NPAS3: variants seen among roughly 807,000 people sequenced by gnomAD.
NPAS3 encodes the protein neuronal PAS domain-containing protein 3.
A neutral mutation model predicts 73.1 loss-of-function variants in NPAS3; 14 were observed. That is an observed-to-expected ratio of 0.19 (90% confidence interval 0.13 to 0.30). The LOEUF is 0.30. Ranked by LOEUF, NPAS3 falls within the 10% of genes least tolerant of loss-of-function variation. The pLI is 1.00. For synonymous variants in NPAS3, 620 were observed against 541.5 expected (o/e 1.14, Z -2.01); for missense variants, 1,096 against 1,250.0 (o/e 0.88, Z 1.86).
chr14:33,711,234 T>A (rs899152387), intron 6 of NPAS3, among the ~76,000 whole-genome samples: 1 of 152,232 alleles, frequency 6.6e-6, no homozygotes, highest in Non-Finnish European at 1.5e-5. Context: ...ATATACAGAA[T>A]GTCAGGTGAC....
At chr14:33,327,279 G>A (rs187861373) in intron 3 of NPAS3, among the ~76,000 whole-genome samples, 66 of 152,268 alleles carry the variant, frequency 4.3e-4, no homozygotes, top group Middle Eastern at 3.4e-3. Flanking sequence ...TGCTATGTAC[G>A]ACACGCTGTG....
intron 6 of NPAS3, among the ~76,000 whole-genome samples, chr14:33,723,504 T>G (rs2061173713): frequency 6.6e-6 from 1 of 152,032 alleles, no homozygotes; most frequent in African/African-American, 2.4e-5. Context: ...GCCACTAACT[T>G]TTCTACAAGC....
Position 33,753,197 on chromosome 14 carries a change from T to A in NPAS3, c.852+17865T>A, listed in dbSNP as rs187655542. Among the ~76,000 whole-genome samples, 661 of 152,210 alleles carry A rather than the reference T, an allele frequency of 4.3e-3. 6 individuals carry two copies. Among genetic ancestry groups the A allele is most frequent in the African/African-American group, 0.015 (629 of 41,530 alleles). Reference sequence around the variant, plus strand: ...AGCTCTAAAGGATTGGTGTGAAGAATGAAAAAGATGTATTTAGTTTCCCTT... The same window carrying A: ...AGCTCTAAAGGATTGGTGTGAAGAAAGAAAAAGATGTATTTAGTTTCCCTT... On this transcript the variant is annotated intron_variant, in intron 7 of 11. Transcript: ENST00000356141.
chr14:33,343,932 C>T (rs770986873), intron 3 of NPAS3, among the ~76,000 whole-genome samples: 12 of 152,088 alleles, frequency 7.9e-5, no homozygotes, highest in Non-Finnish European at 1.8e-4. Flanking sequence ...CTGGTAGCAC[C>T]AAGTGTCAGA....
chr14:33,239,256 A>AAG (rs1164951583), intron 3 of NPAS3, among the ~76,000 whole-genome samples: 1 of 151,828 alleles, frequency 6.6e-6, no homozygotes, highest in Admixed American at 6.6e-5. Context: ...GAGCAAGTGG[A>AAG]AGAGAGGTGT....
chr14:33,103,988 AC>A (rs2042650390), intron 2 of NPAS3, among the ~76,000 whole-genome samples: 1 of 152,152 alleles, frequency 6.6e-6, no homozygotes, highest in Non-Finnish European at 1.5e-5. Flanking sequence ...TATGCTGTTG[AC>A]AAAAAGAGCT....
intron 2 of NPAS3, among the ~76,000 whole-genome samples, chr14:33,153,150 G>A (rs2044518657): frequency 6.6e-6 from 1 of 151,840 alleles, no homozygotes; most frequent in African/African-American, 2.4e-5. Flanking sequence ...ATTAATAATA[G>A]GAACATGCTT....
At chr14:33,281,168 G>A (rs2041589113) in intron 3 of NPAS3, among the ~76,000 whole-genome samples, 1 of 152,096 alleles carries the variant, frequency 6.6e-6, no homozygotes, top group South Asian at 2.1e-4. Flanking sequence ...ACACTACGTA[G>A]GACCTTTTCA....
intron 5 of NPAS3, among the ~76,000 whole-genome samples, chr14:33,573,843 TA>T (rs1196103599): frequency 1.3e-5 from 2 of 152,036 alleles, no homozygotes; most frequent in Non-Finnish European, 2.9e-5. Flanking sequence ...GACTGATAAA[TA>T]GTCCAGAAAA....
intron 4 of NPAS3, among the ~76,000 whole-genome samples, chr14:33,405,771 T>C (rs1258427200): frequency 6.6e-6 from 1 of 152,142 alleles, no homozygotes; most frequent in Non-Finnish European, 1.5e-5. Flanking sequence ...AAAAGCTATT[T>C]GCCCACACCA....
intron 4 of NPAS3, among the ~76,000 whole-genome samples, chr14:33,471,471 A>T (rs1397067333): frequency 1.3e-5 from 2 of 152,174 alleles, no homozygotes; most frequent in Non-Finnish European, 2.9e-5. Flanking sequence ...AGGAGTCAGC[A>T]TTGGAGTGGG....
intron 6 of NPAS3, among the ~76,000 whole-genome samples, chr14:33,709,518 T>C (rs1421718692): frequency 6.6e-6 from 1 of 152,190 alleles, no homozygotes; most frequent in African/African-American, 2.4e-5. Flanking sequence ...AATTGGATGA[T>C]GTCAGAGAGT....
chr14:33,128,956 A>G (rs1308561040), intron 2 of NPAS3, among the ~76,000 whole-genome samples: 1 of 152,072 alleles, frequency 6.6e-6, no homozygotes. Flanking sequence ...TATACTGACA[A>G]TCTCTTTTTG....
Position 33,421,948 on chromosome 14 carries a change from T to G in NPAS3, c.468+54680T>G, listed in dbSNP as rs564330864. On this transcript the variant is annotated intron_variant, in intron 4 of 11. Coordinates refer to ENST00000356141, the Ensembl canonical transcript of NPAS3. ...TGGAGTAGTTTTTAATTTTTGAGTT[T>G]TTTTCTATAGGTAACATAAAATAGG... 7.2e-5 allele frequency among the ~76,000 whole-genome samples: 11 copies of G among 152,080 alleles called. No individual in the cohort carries two copies. The South Asian group carries it at 2.1e-3, about 29-fold the overall frequency.
chr14:33,615,046 G>A (rs547958011), intron 5 of NPAS3, among the ~76,000 whole-genome samples: 2 of 152,260 alleles, frequency 1.3e-5, no homozygotes, highest in East Asian at 3.9e-4. Flanking sequence ...TGTAAGTAGA[G>A]CTGAAGCAAA....
intron 4 of NPAS3, among the ~76,000 whole-genome samples, chr14:33,441,938 C>T (rs1170573862): frequency 6.6e-6 from 1 of 152,188 alleles, no homozygotes; most frequent in African/African-American, 2.4e-5. Flanking sequence ...CCAGGTTCCT[C>T]CCATGACATG....
At chr14:32,948,463 T>G (rs551217528) in intron 1 of NPAS3, among the ~76,000 whole-genome samples, 6 of 152,164 alleles carry the variant, frequency 3.9e-5, no homozygotes, top group Non-Finnish European at 7.4e-5. Flanking sequence ...TAACCCCATC[T>G]TTAGGTTTTC....
chr14:32,953,534 A>G (rs371534961), intron 1 of NPAS3, among the ~76,000 whole-genome samples: 1 of 152,048 alleles, frequency 6.6e-6, no homozygotes, highest in Non-Finnish European at 1.5e-5. Flanking sequence ...TCTTCATACC[A>G]TTTTATCAGT....
intron 2 of NPAS3, among the ~76,000 whole-genome samples, chr14:33,063,308 A>G (rs866392492): frequency 6.6e-6 from 1 of 152,240 alleles, no homozygotes; most frequent in Non-Finnish European, 1.5e-5. Context: ...TGCCTTAGGT[A>G]TGATTATTAC....
Sources: gnomAD v4.1 joint callset for allele counts (sites outside exome capture counted in the v4.1 genomes callset) on GRCh38, gnomAD v4.1.1 for gene constraint, MANE v1.5 for transcripts, NCBI Gene and HGNC (gene_info 2026-07-23, HGNC 2026-07-21) for gene names.